FAM200A: variants seen among roughly 807,000 people sequenced by gnomAD.
The protein encoded by FAM200A is ZBED8 like.
A neutral mutation model predicts 44.2 loss-of-function variants in FAM200A; 26 were observed. That is an observed-to-expected ratio of 0.59 (90% CI 0.43 to 0.82). The LOEUF is 0.82. Ranked by LOEUF, FAM200A falls within the 40% of genes least tolerant of loss-of-function variation. The probability of loss-of-function intolerance (pLI) is 0.00; values close to 1 mark genes in which losing one functional copy is unlikely to be tolerated. For synonymous variants in FAM200A, 206 were observed against 244.4 expected (o/e 0.84, Z 1.47); for missense variants, 606 against 669.5 (o/e 0.91, Z 1.05).
chr7:99,547,619 A>G lies in FAM200A; in HGVS notation c.789T>C (p.Asn263=). 1 of 1,551,240 alleles carries G rather than the reference A, an allele frequency of 6.4e-7. No individual in the cohort carries two copies. Among genetic ancestry groups the G allele is most frequent in the Non-Finnish European group, 8.7e-7 (1 of 1,146,886 alleles). Residue 263 remains asparagine (N), a synonymous_variant, in exon 2 of 2, where the codon AAT becomes AAC. Coordinates refer to ENST00000449309, the MANE Select transcript of FAM200A (RefSeq NM_145111.4). Reference sequence around the variant, plus strand: ...TAATAAAATTAACAGTTTTCACTGCATTTTTCAATACATCCATCAGACTTG... The same window carrying G: ...TAATAAAATTAACAGTTTTCACTGCGTTTTTCAATACATCCATCAGACTTG... The part of the protein sequence containing the change: ...ISPSLMDVLK[N]AVKTVNFIKG...
chr7:99,557,103 T>C (rs1802709165), upstream of FAM200A, among the ~76,000 whole-genome samples: 1 of 152,230 alleles, frequency 6.6e-6, no homozygotes, highest in Non-Finnish European at 1.5e-5. Context: ...CTCTGTCATC[T>C]GGCAAACTGT....
upstream of FAM200A, among the ~76,000 whole-genome samples, chr7:99,556,610 G>A (rs1802683882): frequency 6.6e-6 from 1 of 151,748 alleles, no homozygotes; most frequent in African/African-American, 2.4e-5. Flanking sequence ...CCTGATTACT[G>A]TACCTTTAGG....
chr7:99,553,410 A>AT (rs1802612006), upstream of FAM200A, among the ~76,000 whole-genome samples: 1 of 152,028 alleles, frequency 6.6e-6, no homozygotes, highest in Non-Finnish European at 1.5e-5. Context: ...ATGATTTTGT[A>AT]TTTATGTTGT....
chr7:99,546,720 TC>T lies in FAM200A; in HGVS notation c.1687del (p.Glu563AsnfsTer3). On this transcript the variant is annotated frameshift_variant, in exon 2 of 2. Coordinates refer to ENST00000449309, the MANE Select transcript of FAM200A (RefSeq NM_145111.4). LOFTEE classifies it high-confidence loss of function. ...ALSSCVPDWKELMNRQAHPSH is the reference protein window; with the variant it reads ...ALSSCVPDWKXLMNRQAHPSH ...TGGGTGTGCTTGTCTGTTCATAAGT[TC>T]CTTCCAGTCAGGAACACATGAAGAT... is the stretch of plus-strand genomic sequence containing the variant. The T allele has an allele frequency of 6.5e-7, 1 of 1,539,752 alleles. No homozygotes were observed. The highest frequency in any genetic ancestry group is 1.2e-5 in the South Asian group (1 of 81,644).
chr7:99,547,969 T>A lies in FAM200A; in HGVS notation c.439A>T (p.Ser147Cys). The A allele has an allele frequency of 6.4e-7, 1 of 1,551,454 alleles. No homozygotes were observed. Among genetic ancestry groups the A allele is most frequent in the Non-Finnish European group, 8.7e-7 (1 of 1,146,990 alleles). Reference sequence around the variant, plus strand: ...GTGGGACAACTTGCAATATCAGTGCTCTCATCGAGTTGGATTGCAAAGTCT... The same window carrying A: ...GTGGGACAACTTGCAATATCAGTGCACTCATCGAGTTGGATTGCAAAGTCT... ...GIDFAIQLDE[S>C]TDIASCPTLL... The change falls in exon 2 of 2, where the codon AGC becomes TGC. Residue 147 changes from serine (S) to cysteine (C), a missense_variant. Ser to Cys is a moderately radical substitution (Grantham distance 112, BLOSUM62 -1). Transcript: ENST00000449309.
At chr7:99,553,058 T>TA (rs1426341606), upstream of FAM200A, among the ~76,000 whole-genome samples, 2 of 108,066 alleles carry the variant, frequency 1.9e-5, no homozygotes, top group East Asian at 5.1e-4. Flanking sequence ...CACATATATA[T>TA]ATATACACAC....
chr7:99,557,450 T>C (rs866623437), intron 1 of FAM200A, among the ~76,000 whole-genome samples: 7 of 152,216 alleles, frequency 4.6e-5, no homozygotes, highest in African/African-American at 1.7e-4. Flanking sequence ...AGAAGTACTG[T>C]GTCATCTATT....
chr7:99,554,855 A>T (rs923014147), upstream of FAM200A, among the ~76,000 whole-genome samples: 1 of 152,208 alleles, frequency 6.6e-6, no homozygotes, highest in Non-Finnish European at 1.5e-5. Flanking sequence ...TTCTGTCTCC[A>T]TCAGTTAGTT....
intron 1 of FAM200A, among the ~76,000 whole-genome samples, chr7:99,557,893 T>G (rs995487681): frequency 1.2e-4 from 18 of 152,358 alleles, no homozygotes; most frequent in East Asian, 3.9e-4. Context: ...CTTGCAGATC[T>G]AGCTTCACCT....
chr7:99,549,952 G>A (rs1288994943), intron 1 of FAM200A, among the ~76,000 whole-genome samples: 1 of 152,014 alleles, frequency 6.6e-6, no homozygotes, highest in Non-Finnish European at 1.5e-5. Context: ...TAATGTAAAT[G>A]ATGAGTTAAC....
upstream of FAM200A, among the ~76,000 whole-genome samples, chr7:99,553,099 A>ATATATATTTTTTTTTT (rs1254408398): frequency 1.6e-5 from 1 of 61,418 alleles, no homozygotes; most frequent in African/African-American, 9.9e-5. Flanking sequence ...ATATATATAT[A>ATATATATTTTTTTTTT]TTTTTTTTTT....
At position 99,546,950 on chromosome 7, in the gene FAM200A, T is replaced by A. The variant is rs932204280; in HGVS notation, c.1458A>T (p.Leu486=). ...AACTTAATATCTTATAATAATTCTT[T>A]AGTGTGAATGATGAACTGAGCTGCA... is the stretch of plus-strand genomic sequence containing the variant. ...ELLQLSSSFT[L]KNYYKILSLS... The change falls in exon 2 of 2, where the codon CTA becomes CTT. Residue 486 remains leucine (L), a synonymous_variant. Coordinates refer to ENST00000449309, the MANE Select transcript of FAM200A (RefSeq NM_145111.4). 1.3e-6 allele frequency: 2 copies of A among 1,549,698 alleles called. No individual in the cohort carries two copies. Among genetic ancestry groups the A allele is most frequent in the Admixed American group, 3.9e-5 (2 of 50,750 alleles).
In FAM200A at chr7:99,552,042, G is replaced by C. The variant is rs1358716582; in HGVS notation, c.-288C>G. ...CTGGGATGCTGGGATAGAAGGGGTT[G>C]TGACTTTGGGGACCAGGAGCACTAG... On this transcript the variant is annotated 5_prime_UTR_variant, in exon 1 of 2. Transcript: ENST00000449309. 1.0e-5 allele frequency: 10 copies of C among 985,524 alleles called. No homozygotes were observed. Among genetic ancestry groups the C allele is most frequent in the Non-Finnish European group, 1.2e-5 (10 of 830,070 alleles). 61.0% of individuals were successfully genotyped at this position (985,524 alleles called of 1,614,324 possible). A position where few individuals can be genotyped will look rare whatever the true frequency, so the allele number is the denominator to read the frequency against.
Position 99,551,870 on chromosome 7 carries a change from C to T in FAM200A, c.-116G>A, listed in dbSNP as rs192549982. Reference sequence around the variant, plus strand: ...CCTTCCCACCTGTATCCAGGGACACCTCTGCTGGGGGACAGCGCTTGCCAC... The same window carrying T: ...CCTTCCCACCTGTATCCAGGGACACTTCTGCTGGGGGACAGCGCTTGCCAC... On this transcript the variant is annotated 5_prime_UTR_variant, in exon 1 of 2. Transcript: ENST00000449309. 2.7e-4 allele frequency: 264 copies of T among 985,554 alleles called. 1 individual carries two copies. The African/African-American group carries it at 4.4e-3, about 16-fold the overall frequency. The allele number at this position is 985,554 out of a possible 1,614,324, so 61.1% of individuals were successfully genotyped here.
chr7:99,555,340 C>G (rs1392464902), upstream of FAM200A, among the ~76,000 whole-genome samples: 1 of 152,180 alleles, frequency 6.6e-6, no homozygotes. Flanking sequence ...GAGGCATGGA[C>G]AGATTCCTTC....
At chr7:99,553,099 ATTTTT>A (rs576289512), upstream of FAM200A, among the ~76,000 whole-genome samples, 64 of 61,374 alleles carry the variant, frequency 1.0e-3, no homozygotes, top group African/African-American at 5.4e-3. Context: ...ATATATATAT[ATTTTT>A]TTTTTTTTTT....
intron 1 of FAM200A, among the ~76,000 whole-genome samples, chr7:99,550,496 T>C (rs1802504141): frequency 6.6e-6 from 1 of 152,144 alleles, no homozygotes; most frequent in South Asian, 2.1e-4. Flanking sequence ...CAAATGGAAA[T>C]GAATGTGGGG....
chr7:99,551,749 G>A (rs1008094028), intron 1 of FAM200A, 105 bp downstream of exon 1: 2 of 899,618 alleles, frequency 2.2e-6, no homozygotes, highest in Non-Finnish European at 2.7e-6. Flanking sequence ...CGCGTCTTTG[G>A]GGTAAAACAC....
chr7:99,551,352 G>A (rs1035701427), intron 1 of FAM200A, among the ~76,000 whole-genome samples: 18 of 151,710 alleles, frequency 1.2e-4, no homozygotes, highest in African/African-American at 4.1e-4. Context: ...GGCGTGTGCC[G>A]CCACGTCTAA....
Sources: gnomAD v4.1 joint callset for allele counts (sites outside exome capture counted in the v4.1 genomes callset) on GRCh38, gnomAD v4.1.1 for gene constraint, MANE v1.5 for transcripts, NCBI Gene and HGNC (gene_info 2026-07-23, HGNC 2026-07-21) for gene names.